The following CNTN5 variants were observed in gnomAD, a reference collection of about 807,000 sequenced individuals.
The protein encoded by CNTN5 is contactin 5, also known as contactin-5.
A neutral mutation model predicts 129.1 loss-of-function variants in CNTN5; 77 were observed. The ratio of observed to expected loss-of-function variants is 0.60; its 90% CI spans 0.50 to 0.72. The LOEUF (loss-of-function observed/expected upper bound fraction) is 0.72. Ranked by LOEUF, CNTN5 falls within the 30% of genes least tolerant of loss-of-function variation. The pLI is 0.00. For synonymous variants in CNTN5, 509 were observed against 465.6 expected, an observed-to-expected ratio of 1.09 and a Z score of -1.20; for missense variants, 1,478 against 1,328.8, an observed-to-expected ratio of 1.11 and a Z score of -1.75.
chr11:99,255,195 T>C (rs1862313286), intron 1 of CNTN5, among the ~76,000 whole-genome samples: 1 of 151,956 alleles, frequency 6.6e-6, no homozygotes, highest in South Asian at 2.1e-4. Context: ...CTGCAGTTAA[T>C]ATTAATGCCA....
At chr11:99,354,688 A>T (rs1289250957) in intron 2 of CNTN5, among the ~76,000 whole-genome samples, 2 of 152,094 alleles carry the variant, frequency 1.3e-5, no homozygotes, top group East Asian at 3.9e-4. Flanking sequence ...TCCAAACCCC[A>T]TGATCTCTCT....
chr11:99,541,501 A>G (rs895431164), intron 2 of CNTN5, among the ~76,000 whole-genome samples: 1 of 152,132 alleles, frequency 6.6e-6, no homozygotes, highest in Admixed American at 6.6e-5. Flanking sequence ...CAAAGAGGAG[A>G]TGGAGCACAG....
intron 3 of CNTN5, among the ~76,000 whole-genome samples, chr11:99,589,645 G>A (rs947037399): frequency 9.2e-5 from 14 of 151,970 alleles, no homozygotes; most frequent in East Asian, 1.9e-4. Context: ...AAATCATTAT[G>A]CTTTAAATAT....
intron 3 of CNTN5, among the ~76,000 whole-genome samples, chr11:99,626,178 T>C (rs1042595136): frequency 6.6e-6 from 1 of 151,970 alleles, no homozygotes; most frequent in East Asian, 1.9e-4. Context: ...GAGGGTGACA[T>C]TGAGCCCGGC....
At chr11:100,000,170 A>C (rs1939767755) in intron 8 of CNTN5, among the ~76,000 whole-genome samples, 1 of 150,216 alleles carries the variant, frequency 6.7e-6, no homozygotes, top group South Asian at 2.1e-4. Flanking sequence ...TAATAAAAAT[A>C]AATAAATAAA....
At chr11:100,263,505 G>A (rs1469944198) in intron 17 of CNTN5, among the ~76,000 whole-genome samples, 1 of 151,958 alleles carries the variant, frequency 6.6e-6, no homozygotes, top group African/African-American at 2.4e-5. Flanking sequence ...TCATTATAGT[G>A]TCTATAAACA....
At chr11:100,222,020 A>T (rs932626751) in intron 15 of CNTN5, among the ~76,000 whole-genome samples, 1 of 152,214 alleles carries the variant, frequency 6.6e-6, no homozygotes, top group Non-Finnish European at 1.5e-5. Flanking sequence ...TCCCACATGA[A>T]TTCCTCTCAT....
At chr11:99,716,004 T>C (rs1955203418) in intron 3 of CNTN5, among the ~76,000 whole-genome samples, 1 of 138,818 alleles carries the variant, frequency 7.2e-6, no homozygotes. Context: ...CTTTTCAGCT[T>C]TCGACTTTAG....
chr11:100,226,463 T>C (rs926179954), intron 16 of CNTN5, among the ~76,000 whole-genome samples: 2 of 152,162 alleles, frequency 1.3e-5, no homozygotes, highest in African/African-American at 4.8e-5. Flanking sequence ...GGGTTTAGAA[T>C]ATAATTCAGG....
chr11:99,295,643 G>A (rs1413805579), intron 1 of CNTN5, among the ~76,000 whole-genome samples: 4 of 151,968 alleles, frequency 2.6e-5, no homozygotes, highest in African/African-American at 4.8e-5. Context: ...TTGGGAGGCC[G>A]AGGCGGGTGG....
intron 1 of CNTN5, among the ~76,000 whole-genome samples, chr11:99,119,285 T>C (rs537225958): frequency 6.6e-6 from 1 of 152,274 alleles, no homozygotes; most frequent in South Asian, 2.1e-4. Context: ...CCTGATTCTC[T>C]CCATCCTTCC....
chr11:99,140,989 T>C (rs565743326), intron 1 of CNTN5, among the ~76,000 whole-genome samples: 8 of 152,198 alleles, frequency 5.3e-5, no homozygotes, highest in African/African-American at 1.9e-4. Flanking sequence ...AGTGTTGGCA[T>C]CAGAATGATG....
At chr11:99,695,242 C>T (rs1379636448) in intron 3 of CNTN5, among the ~76,000 whole-genome samples, 8 of 151,972 alleles carry the variant, frequency 5.3e-5, no homozygotes, top group African/African-American at 1.9e-4. Flanking sequence ...AGCAACTTCC[C>T]ACTTTCTGTT....
chr11:100,221,018 G>A (rs1447629818), intron 15 of CNTN5, among the ~76,000 whole-genome samples: 1 of 152,162 alleles, frequency 6.6e-6, no homozygotes. Flanking sequence ...AATGCCCATC[G>A]TGGACCTTGG....
At chr11:99,462,322 CCT>C (rs1348157666) in intron 2 of CNTN5, among the ~76,000 whole-genome samples, 3 of 146,204 alleles carry the variant, frequency 2.1e-5, no homozygotes, top group Non-Finnish European at 4.5e-5. Flanking sequence ...TGTAGATTGT[CCT>C]TTTTCTTTCT....
chr11:99,352,595 T>G (rs11600078), intron 2 of CNTN5, among the ~76,000 whole-genome samples: 34,304 of 151,984 alleles, frequency 0.23, 4,169 homozygotes, highest in East Asian at 0.37. Flanking sequence ...ATAAGAAAAT[T>G]AAACTTGCCA....
intron 9 of CNTN5, among the ~76,000 whole-genome samples, chr11:100,014,251 C>T (rs928788175): frequency 1.3e-5 from 2 of 152,096 alleles, no homozygotes; most frequent in Non-Finnish European, 1.5e-5. Context: ...CAGCCCTCTG[C>T]ATAACAGCAG....
At chr11:99,315,881 T>C (rs1865317691) in intron 1 of CNTN5, among the ~76,000 whole-genome samples, 1 of 135,982 alleles carries the variant, frequency 7.4e-6, no homozygotes, top group African/African-American at 2.6e-5. Context: ...AAGAGTTGAA[T>C]GATAGAAAGA....
intron 6 of CNTN5, among the ~76,000 whole-genome samples, chr11:99,858,424 A>G (rs1948105244): frequency 6.6e-6 from 1 of 152,204 alleles, no homozygotes; most frequent in Non-Finnish European, 1.5e-5. Context: ...CTGGTATGGA[A>G]CTAGGATGTT....
Sources: gnomAD v4.1 joint callset for allele counts (sites outside exome capture counted in the v4.1 genomes callset) on GRCh38, gnomAD v4.1.1 for gene constraint, MANE v1.5 for transcripts, NCBI Gene and HGNC (gene_info 2026-07-23, HGNC 2026-07-21) for gene names.